Variants in VPS53 observed in about 807,000 individuals in gnomAD.
VPS53 encodes the protein VPS53 subunit of GARP complex.
Under a neutral mutation model 107.0 loss-of-function variants are expected in VPS53, and 70 were observed. That is an observed-to-expected ratio of 0.65 (90% CI 0.54 to 0.80). The LOEUF (loss-of-function observed/expected upper bound fraction) is 0.80. Ranked by LOEUF, VPS53 falls within the 30% of genes least tolerant of loss-of-function variation. VPS53 has a pLI of 0.00. For synonymous variants in VPS53, 409 were observed against 393.3 expected (o/e 1.04, Z -0.47); for missense variants, 917 against 1,049.4 (o/e 0.87, Z 1.74).
rs1050252428 is a variant in VPS53, at chr17:530,717, A to G, written c.2085+2125T>C. On this transcript the variant is annotated intron_variant, in intron 19 of 21. Transcript: ENST00000437048. ...AGCTTTCATAGGTGAACGCAGTCAT[A>G]AGAATAATTAGTGACCCTGCAAAAC... Among the ~76,000 whole-genome samples the G allele has an allele frequency of 5.9e-5, 9 of 152,190 alleles. No homozygotes were observed. The East Asian group carries it at 1.2e-3, about 20-fold the overall frequency.
chr17:675,010 T>C (rs1972098409), intron 4 of VPS53: 1 of 152,216 alleles, frequency 6.6e-6, no homozygotes, highest in Non-Finnish European at 1.5e-5. Context: ...TATAGTGTAA[T>C]AAAACATTAG....
intron 7 of VPS53, among the ~76,000 whole-genome samples, chr17:635,493 T>A (rs561222820): frequency 2.6e-5 from 4 of 152,216 alleles, no homozygotes; most frequent in African/African-American, 9.7e-5. Context: ...CTGAATGGTA[T>A]TGCCTAGGTT....
intron 12 of VPS53, among the ~76,000 whole-genome samples, chr17:589,752 C>T (rs1967538097): frequency 6.6e-6 from 1 of 152,092 alleles, no homozygotes; most frequent in Admixed American, 6.6e-5. Context: ...GTTTTGGTAC[C>T]AGTACCATGC....
chr17:706,953 G>C (rs1214181965), intron 2 of VPS53, among the ~76,000 whole-genome samples: 2 of 152,068 alleles, frequency 1.3e-5, no homozygotes, highest in Admixed American at 1.3e-4. Context: ...CTGCCAGACG[G>C]AATTTTAAAA....
At chr17:570,234 G>C (rs765385445) in intron 13 of VPS53, among the ~76,000 whole-genome samples, 1 of 151,942 alleles carries the variant, frequency 6.6e-6, no homozygotes, top group Non-Finnish European at 1.5e-5. Flanking sequence ...GCTGGGTGCA[G>C]TGGCGGGTAC....
chr17:599,363 A>G (rs1380041724), intron 12 of VPS53, among the ~76,000 whole-genome samples: 2 of 152,172 alleles, frequency 1.3e-5, no homozygotes, highest in African/African-American at 4.8e-5. Context: ...GTGTCTGTGT[A>G]GAGAGAAGTA....
At chr17:600,560 G>C (rs187646539) in intron 12 of VPS53, among the ~76,000 whole-genome samples, 3 of 152,230 alleles carry the variant, frequency 2.0e-5, no homozygotes, top group African/African-American at 4.8e-5. Context: ...ATACATCTCC[G>C]GGATGGAGCC....
rs758809062 is a variant in VPS53 at position 586,366 on chromosome 17, T to C, written c.1219-2A>G. The C allele has an allele frequency of 6.2e-7, 1 of 1,613,786 alleles. No individual in the cohort carries two copies. Among genetic ancestry groups the C allele is most frequent in the Non-Finnish European group, 8.5e-7 (1 of 1,179,862 alleles). ...GTCTGGGGCTTTAGGCTTCTTTGGCTGTAAAAACAAAGAAAAATAAACCCC... is the reference window on the plus strand; with the variant it reads ...GTCTGGGGCTTTAGGCTTCTTTGGCCGTAAAAACAAAGAAAAATAAACCCC... On this transcript the variant is annotated splice_acceptor_variant, in intron 12 of 21. Coordinates refer to ENST00000437048, the MANE Select transcript of VPS53 (RefSeq NM_001128159.3). LOFTEE classifies it high-confidence loss of function.
chr17:661,161 A>T (rs1036602910), intron 5 of VPS53, among the ~76,000 whole-genome samples: 17 of 152,028 alleles, frequency 1.1e-4, no homozygotes, highest in Admixed American at 2.6e-4. Context: ...GCATGATACC[A>T]ATACCAAGAA....
At chr17:662,017 G>A in intron 4 of VPS53, 122 bp from the exon 5 acceptor site, 1 of 913,202 alleles carries the variant, frequency 1.1e-6, no homozygotes, top group South Asian at 1.7e-5. Context: ...TTGTACTTAT[G>A]CCAACAATTT....
intron 5 of VPS53, chr17:656,744 CATT>C (rs150812272): frequency 0.025 from 20,218 of 809,392 alleles, 419 homozygotes; most frequent in East Asian, 0.088. Context: ...TATCATGCCA[CATT>C]ATTTTTAATT....
intron 2 of VPS53, chr17:705,810 G>C (rs1026028664): frequency 6.6e-6 from 1 of 152,370 alleles, no homozygotes; most frequent in African/African-American, 2.4e-5. Context: ...AGGCTGAAGT[G>C]GGAGGAGTGC....
chr17:659,556 C>T (rs1484323656), intron 5 of VPS53, among the ~76,000 whole-genome samples: 4 of 152,344 alleles, frequency 2.6e-5, no homozygotes, highest in African/African-American at 7.2e-5. Flanking sequence ...GCTGGGATTA[C>T]AGGCATGAGC....
At chr17:660,745 A>G (rs1462703326) in intron 5 of VPS53, among the ~76,000 whole-genome samples, 3 of 151,900 alleles carry the variant, frequency 2.0e-5, no homozygotes, top group African/African-American at 7.3e-5. Flanking sequence ...AGGACCACAG[A>G]AAATCCAGGT....
chr17:599,869 A>C (rs1359952794), intron 12 of VPS53: 2 of 152,472 alleles, frequency 1.3e-5, no homozygotes, highest in Non-Finnish European at 2.9e-5. Flanking sequence ...CTGATGGGGC[A>C]CCAAGGAATA....
At chr17:672,175 ATCTCTCTCTCTCTC>A (rs10539620) in intron 4 of VPS53, among the ~76,000 whole-genome samples, 38 of 107,068 alleles carry the variant, frequency 3.5e-4, no homozygotes, top group African/African-American at 1.0e-3. Context: ...CACAATCTCA[ATCTCTCTCTCTCTC>A]TCTCTCTCTC....
At chr17:551,299 G>A (rs539897648) in intron 17 of VPS53, among the ~76,000 whole-genome samples, 1 of 152,196 alleles carries the variant, frequency 6.6e-6, no homozygotes, top group East Asian at 1.9e-4. Flanking sequence ...GGGCACTGTG[G>A]CTCATGCCTG....
chr17:661,912 A>G lies in VPS53; in HGVS notation c.286-17T>C. 1.3e-6 allele frequency: 2 copies of G among 1,547,720 alleles called. No homozygotes were observed. The highest frequency in any genetic ancestry group is 1.7e-6 in the Non-Finnish European group (2 of 1,144,524). ...TTCAAGCGCCTAGAGTAAGGGAAAT[A>G]CATGAAAAACAAAAAGTGGCTAGAG... On this transcript the variant is annotated splice_polypyrimidine_tract_variant and intron_variant, in intron 4 of 21. Coordinates refer to ENST00000437048, the MANE Select transcript of VPS53 (RefSeq NM_001128159.3).
intron 12 of VPS53, among the ~76,000 whole-genome samples, chr17:592,655 A>T (rs1279001080): frequency 1.3e-5 from 2 of 152,212 alleles, no homozygotes; most frequent in Non-Finnish European, 2.9e-5. Context: ...TATGAAGCTT[A>T]GTTTGGCTGG....
Sources: gnomAD v4.1 joint callset for allele counts (sites outside exome capture counted in the v4.1 genomes callset) on GRCh38, gnomAD v4.1.1 for gene constraint, MANE v1.5 for transcripts, NCBI Gene and HGNC (gene_info 2026-07-23, HGNC 2026-07-21) for gene names.